Variants in IGSF21 observed in about 807,000 individuals in gnomAD.
The protein encoded by IGSF21 is immunoglobin superfamily member 21.
A neutral mutation model predicts 46.8 loss-of-function variants in IGSF21; 28 were observed. That is an observed-to-expected ratio of 0.60 (90% confidence interval 0.44 to 0.82). The LOEUF (loss-of-function observed/expected upper bound fraction) is 0.82. Among genes scored for constraint, IGSF21 ranks in the 40% least tolerant of loss-of-function variants. The probability of loss-of-function intolerance (pLI) is 0.00; values close to 1 mark genes in which losing one functional copy is unlikely to be tolerated. For missense variants in IGSF21, 624 were observed against 665.5 expected, an observed-to-expected ratio of 0.94 and a Z score of 0.69; for synonymous variants, 284 against 273.6, an observed-to-expected ratio of 1.04 and a Z score of -0.38.
intron 1 of IGSF21, among the ~76,000 whole-genome samples, chr1:18,206,339 A>G (rs1354301527): frequency 1.3e-5 from 2 of 152,124 alleles, no homozygotes; most frequent in Admixed American, 1.3e-4. Flanking sequence ...GCTTGAGCCC[A>G]GTAGTTCATG....
At chr1:18,325,422 G>A (rs1317334905) in intron 3 of IGSF21, among the ~76,000 whole-genome samples, 8 of 152,156 alleles carry the variant, frequency 5.3e-5, no homozygotes. Context: ...GAGGGAGAAG[G>A]ACTGAGGCCC....
At chr1:18,150,023 G>A (rs2086507531) in intron 1 of IGSF21, among the ~76,000 whole-genome samples, 1 of 152,168 alleles carries the variant, frequency 6.6e-6, no homozygotes, top group Admixed American at 6.5e-5. Flanking sequence ...GGAGGCCGAG[G>A]CAGGAGGATT....
chr1:18,271,101 G>A (rs917511018), intron 2 of IGSF21, among the ~76,000 whole-genome samples: 5 of 152,132 alleles, frequency 3.3e-5, no homozygotes, highest in East Asian at 1.9e-4. Context: ...ACAGCTGCTC[G>A]CAGAGCTATG....
At chr1:18,345,357 G>A (rs1279812003) in intron 4 of IGSF21, among the ~76,000 whole-genome samples, 2 of 152,170 alleles carry the variant, frequency 1.3e-5, no homozygotes, top group Admixed American at 6.6e-5. Flanking sequence ...GCAACTAATA[G>A]TAATAAAAGT....
At chr1:18,318,658 C>T (rs1250257720) in intron 3 of IGSF21, among the ~76,000 whole-genome samples, 1 of 152,188 alleles carries the variant, frequency 6.6e-6, no homozygotes, top group East Asian at 1.9e-4. Context: ...AGCTCACTCA[C>T]TGACTTGCAC....
chr1:18,302,132 G>C (rs1014239858), intron 3 of IGSF21, among the ~76,000 whole-genome samples: 1 of 149,634 alleles, frequency 6.7e-6, no homozygotes, highest in African/African-American at 2.5e-5. Flanking sequence ...TTCTTCAGGG[G>C]CTGCCTGGCC....
At chr1:18,377,931 C>T (rs917714299) in intron 9 of IGSF21, among the ~76,000 whole-genome samples, 2 of 152,174 alleles carry the variant, frequency 1.3e-5, no homozygotes, top group Non-Finnish European at 2.9e-5. Context: ...TGAGCACCAC[C>T]CCAGGGGGCC....
At chr1:18,125,617 C>T (rs1486078692) in intron 1 of IGSF21, among the ~76,000 whole-genome samples, 4 of 152,234 alleles carry the variant, frequency 2.6e-5, no homozygotes, top group African/African-American at 7.2e-5. Context: ...TCATTCAACT[C>T]ATGTTTATTG....
chr1:18,375,340 T>G (rs1378027514), intron 6 of IGSF21, among the ~76,000 whole-genome samples: 1 of 151,882 alleles, frequency 6.6e-6, no homozygotes. Context: ...GGGGAAAGAG[T>G]GCTGGCGAGA....
chr1:18,285,301 C>T (rs1325604715), intron 2 of IGSF21, among the ~76,000 whole-genome samples: 1 of 151,876 alleles, frequency 6.6e-6, no homozygotes, highest in Non-Finnish European at 1.5e-5. Context: ...TCAGCGGGCT[C>T]TCACACTGCT....
intron 4 of IGSF21, among the ~76,000 whole-genome samples, chr1:18,357,138 G>A (rs192601239): frequency 6.6e-6 from 1 of 150,780 alleles, no homozygotes; most frequent in East Asian, 2.0e-4. Flanking sequence ...GATCGAGATG[G>A]GGAGGAGATT....
intron 1 of IGSF21, chr1:18,176,298 G>A (rs183106556): frequency 1.3e-5 from 2 of 152,346 alleles, no homozygotes; most frequent in Admixed American, 1.3e-4. Flanking sequence ...ACTTGCAAAT[G>A]ACGAGACACC....
intron 3 of IGSF21, among the ~76,000 whole-genome samples, chr1:18,310,637 A>G (rs2085480416): frequency 6.6e-6 from 1 of 152,238 alleles, no homozygotes; most frequent in East Asian, 1.9e-4. Context: ...TTCAGCTTTC[A>G]GAGATGCTGC....
At chr1:18,312,667 T>G (rs2085500893) in intron 3 of IGSF21, among the ~76,000 whole-genome samples, 1 of 152,200 alleles carries the variant, frequency 6.6e-6, no homozygotes, top group Admixed American at 6.5e-5. Flanking sequence ...CCGACCCTCC[T>G]GTCTCCCTCC....
intron 1 of IGSF21, among the ~76,000 whole-genome samples, chr1:18,162,232 G>A (rs1488715790): frequency 6.6e-6 from 1 of 151,972 alleles, no homozygotes; most frequent in African/African-American, 2.4e-5. Context: ...TTTTTTTGTA[G>A]AGACAAGGTC....
chr1:18,312,071 G>T (rs147994904), intron 3 of IGSF21, among the ~76,000 whole-genome samples: 1 of 152,150 alleles, frequency 6.6e-6, no homozygotes, highest in African/African-American at 2.4e-5. Flanking sequence ...TCTCCGTAGC[G>T]TGTATCTCTG....
At chr1:18,133,770 G>A (rs1342197181) in intron 1 of IGSF21, among the ~76,000 whole-genome samples, 2 of 152,256 alleles carry the variant, frequency 1.3e-5, no homozygotes, top group Admixed American at 6.5e-5. Flanking sequence ...GCCGATCCCC[G>A]TTATGGGGCT....
intron 3 of IGSF21, among the ~76,000 whole-genome samples, chr1:18,296,817 T>C (rs943284129): frequency 6.6e-6 from 1 of 152,126 alleles, no homozygotes; most frequent in African/African-American, 2.4e-5. Context: ...GTGTCTTCCA[T>C]TTCCTGAAGC....
In IGSF21 at chr1:18,335,134, T is replaced by TCTTC; in HGVS notation, c.424+126_424+129dup. On this transcript the variant is annotated intron_variant, in intron 4 of 9. Coordinates refer to ENST00000251296, the MANE Select transcript of IGSF21 (RefSeq NM_032880.5). The surrounding 1 kb of genome is among the most constrained non-coding windows in gnomAD (Gnocchi z 4.8). ...CACCAGAAGTTCTGTTGTGCTGGTG[T>TCTTC]CTTCCCTTTCCTGCTCTTGTTGTGG... The TCTTC allele has an allele frequency of 1.4e-6, 1 of 739,410 alleles. No homozygotes were observed. Among genetic ancestry groups the TCTTC allele is most frequent in the South Asian group, 1.7e-5 (1 of 59,688 alleles). The allele number at this position is 739,410 out of a possible 1,614,324, so 45.8% of individuals were successfully genotyped here. A position where few individuals can be genotyped will look rare whatever the true frequency, so the allele number is the denominator to read the frequency against.
Sources: allele counts gnomAD v4.1 joint callset (sites outside exome capture counted in the v4.1 genomes callset), GRCh38; gene constraint gnomAD v4.1.1; non-coding constraint Gnocchi (gnomAD v3.1); transcripts MANE v1.5; gene names NCBI Gene and HGNC (gene_info 2026-07-23, HGNC 2026-07-21).